Variants in FAM135B observed in about 807,000 individuals in gnomAD.
FAM135B encodes the protein protein FAM135B.
FAM135B carries 43 observed loss-of-function variants against 127.7 expected under a neutral mutation model. The observed-to-expected ratio is 0.34, with a 90% CI of 0.26 to 0.43. The LOEUF is 0.43. Ranked by LOEUF, FAM135B falls within the 20% of genes least tolerant of loss-of-function variation. The probability of loss-of-function intolerance (pLI) is 1.00; values close to 1 mark genes in which losing one functional copy is unlikely to be tolerated. For missense variants in FAM135B, 1,558 were observed against 1,725.6 expected (o/e 0.90, Z 1.72); for synonymous variants, 670 against 665.1 (o/e 1.01, Z -0.11).
chr8:138,228,632 G>A (rs1567695), intron 7 of FAM135B, among the ~76,000 whole-genome samples: 108 of 152,182 alleles, frequency 7.1e-4, no homozygotes, highest in African/African-American at 2.2e-3. Flanking sequence ...CCCCTGAGCC[G>A]GCTTACTGGG....
intron 1 of FAM135B, among the ~76,000 whole-genome samples, chr8:138,458,794 C>T (rs746888167): frequency 3.3e-5 from 5 of 152,084 alleles, no homozygotes; most frequent in African/African-American, 4.8e-5. Context: ...GTACGCTGAC[C>T]GCTGATTTAG....
intron 2 of FAM135B, among the ~76,000 whole-genome samples, chr8:138,340,495 C>T (rs895965014): frequency 2.6e-5 from 4 of 152,112 alleles, no homozygotes; most frequent in African/African-American, 9.7e-5. Flanking sequence ...CTGACATAGA[C>T]GGAGAGAGGA....
chr8:138,194,978 T>C (rs1252384647), intron 9 of FAM135B, among the ~76,000 whole-genome samples: 2 of 152,220 alleles, frequency 1.3e-5, no homozygotes, highest in Admixed American at 6.5e-5. Flanking sequence ...GTTTGTTCAA[T>C]GGATGGGTAA....
At chr8:138,221,864 C>G (rs1049242415) in intron 7 of FAM135B, among the ~76,000 whole-genome samples, 1 of 152,164 alleles carries the variant, frequency 6.6e-6, no homozygotes, top group Non-Finnish European at 1.5e-5. Context: ...CACGCACATG[C>G]GCACACACCC....
At chr8:138,138,432 G>A (rs780714242) in intron 18 of FAM135B, among the ~76,000 whole-genome samples, 4 of 152,192 alleles carry the variant, frequency 2.6e-5, no homozygotes, top group Admixed American at 6.5e-5. Flanking sequence ...TGCTCCACTC[G>A]CCGACTGGAC....
intron 7 of FAM135B, among the ~76,000 whole-genome samples, chr8:138,227,496 C>T (rs1819549574): frequency 6.6e-6 from 1 of 152,142 alleles, no homozygotes; most frequent in African/African-American, 2.4e-5. Flanking sequence ...GTTTGGCATG[C>T]TATGAGAGTC....
chr8:138,413,760 A>G (rs1225554933), intron 1 of FAM135B, among the ~76,000 whole-genome samples: 1 of 152,164 alleles, frequency 6.6e-6, no homozygotes, highest in Non-Finnish European at 1.5e-5. Flanking sequence ...AACCAGTTCC[A>G]TATTCAGCCT....
At chr8:138,384,408 T>C (rs1445185896) in intron 1 of FAM135B, among the ~76,000 whole-genome samples, 5 of 152,064 alleles carry the variant, frequency 3.3e-5, no homozygotes, top group Non-Finnish European at 5.9e-5. Flanking sequence ...AATAGATGTA[T>C]TGGGGGCCTA....
intron 1 of FAM135B, among the ~76,000 whole-genome samples, chr8:138,396,054 G>A (rs1179642984): frequency 6.6e-6 from 1 of 152,178 alleles, no homozygotes; most frequent in Non-Finnish European, 1.5e-5. Context: ...TCCTGTTTAT[G>A]TGCCTCAATT....
rs2130365050 is a variant in FAM135B, at chr8:138,242,090, C to T, written c.669+852G>A. Among the ~76,000 whole-genome samples, 1 of 151,568 alleles carries T rather than the reference C, an allele frequency of 6.6e-6. No individual in the cohort carries two copies. The highest frequency in any genetic ancestry group is 2.1e-4 in the South Asian group (1 of 4,806). ...GATACCACCTGCACTCTTGGGTCTC[C>T]AGCTTGCTGACTGAAGATTTGGGGG... On this transcript the variant is annotated intron_variant, in intron 7 of 19. Coordinates refer to ENST00000395297, the MANE Select transcript of FAM135B (RefSeq NM_015912.4). The surrounding 1 kb of genome is among the most constrained non-coding windows in gnomAD (Gnocchi z 9.6).
chr8:138,385,187 C>G (rs1468036143), intron 1 of FAM135B, among the ~76,000 whole-genome samples: 1 of 152,168 alleles, frequency 6.6e-6, no homozygotes, highest in Non-Finnish European at 1.5e-5. Flanking sequence ...CTCAATTTTC[C>G]TTACTGATCT....
chr8:138,482,101 G>A (rs900352147), intron 1 of FAM135B, among the ~76,000 whole-genome samples: 13 of 152,180 alleles, frequency 8.5e-5, no homozygotes, highest in African/African-American at 2.7e-4. Flanking sequence ...GCTGAAAGAT[G>A]CAAAAGAGAT....
chr8:138,180,962 C>T lies in FAM135B; in HGVS notation c.874-2272G>A, dbSNP rs572999982. On this transcript the variant is annotated intron_variant, in intron 9 of 19. Coordinates refer to ENST00000395297, the MANE Select transcript of FAM135B (RefSeq NM_015912.4). ...AAAAGTGTTAAGTAAAAACTGGGGC[C>T]GGGCATGGTGGCTCATACCTGTAAT... Among the ~76,000 whole-genome samples the T allele has an allele frequency of 3.9e-5, 6 of 152,166 alleles. No homozygotes were observed. In the East Asian group the frequency reaches 9.7e-4, roughly 25 times the overall value.
At chr8:138,168,880 A>G (rs16908408) in intron 11 of FAM135B, among the ~76,000 whole-genome samples, 3,132 of 152,264 alleles carry the variant, frequency 0.021, 118 homozygotes, top group African/African-American at 0.072. Flanking sequence ...TTTTGGGAAG[A>G]CTTGAGCTTG....
intron 1 of FAM135B, among the ~76,000 whole-genome samples, chr8:138,370,527 C>G (rs1410930194): frequency 6.6e-6 from 1 of 152,104 alleles, no homozygotes; most frequent in African/African-American, 2.4e-5. Context: ...TCTCGGCTCA[C>G]TGCAAGCTCG....
At chr8:138,138,834 G>C in intron 18 of FAM135B, 152 bp downstream of exon 18, 1 of 577,176 alleles carries the variant, frequency 1.7e-6, no homozygotes, top group Non-Finnish European at 3.2e-6. Flanking sequence ...GTAGCTGTTG[G>C]CCTCCCAATG....
At chr8:138,157,874 C>A (rs909328122) in intron 12 of FAM135B, among the ~76,000 whole-genome samples, 12 of 152,262 alleles carry the variant, frequency 7.9e-5, no homozygotes, top group African/African-American at 2.9e-4. Context: ...CCATAATGCC[C>A]AAGGTAATTT....
At chr8:138,477,675 T>C (rs1814564042) in intron 1 of FAM135B, among the ~76,000 whole-genome samples, 1 of 152,190 alleles carries the variant, frequency 6.6e-6, no homozygotes, top group South Asian at 2.1e-4. Flanking sequence ...AACTGACACC[T>C]ATACCCAGAC....
intron 7 of FAM135B, among the ~76,000 whole-genome samples, chr8:138,202,608 T>C (rs927275409): frequency 2.0e-5 from 3 of 152,064 alleles, no homozygotes; most frequent in African/African-American, 7.2e-5. Flanking sequence ...TTTCTTCCCC[T>C]CCCCACACAG....
Sources: allele counts gnomAD v4.1 joint callset (sites outside exome capture counted in the v4.1 genomes callset), GRCh38; gene constraint gnomAD v4.1.1; non-coding constraint Gnocchi (gnomAD v3.1); transcripts MANE v1.5; gene names NCBI Gene and HGNC (gene_info 2026-07-23, HGNC 2026-07-21).